The following PPP6R1 variants were observed in gnomAD, a reference collection of about 807,000 sequenced individuals.
PPP6R1 encodes serine/threonine-protein phosphatase 6 regulatory subunit 1.
A neutral mutation model predicts 104.6 loss-of-function variants in PPP6R1; 39 were observed. That is an observed-to-expected ratio of 0.37 (90% CI 0.29 to 0.49). The LOEUF is 0.49. Among genes scored for constraint, PPP6R1 ranks in the 20% least tolerant of loss-of-function variants. The pLI, the probability that PPP6R1 is intolerant of heterozygous loss-of-function variation, is 0.98. For synonymous variants in PPP6R1, 549 were observed against 479.0 expected, an observed-to-expected ratio of 1.15 and a Z score of -1.91; for missense variants, 1,181 against 1,155.8, an observed-to-expected ratio of 1.02 and a Z score of -0.32.
chr19:55,231,560 C>T (rs1207709670), intron 20 of PPP6R1, 38 bp downstream of exon 20: 1 of 1,602,012 alleles, frequency 6.2e-7, no homozygotes, highest in Non-Finnish European at 8.5e-7. Flanking sequence ...GCTCTCTCTG[C>T]CCAGGGCCGC....
At position 55,242,116 on chromosome 19, in the gene PPP6R1, G is replaced by A. The variant is rs985977646; in HGVS notation, c.845+50C>T. 8 of 1,528,886 alleles carry A rather than the reference G, an allele frequency of 5.2e-6. No homozygotes were observed. In the African/African-American group the frequency reaches 6.8e-5, roughly 13 times the overall value. 94.7% of individuals were successfully genotyped at this position (1,528,886 alleles called of 1,614,324 possible). A position where few individuals can be genotyped will look rare whatever the true frequency, so the allele number is the denominator to read the frequency against. ...CGAGACCCGCCTCTGAGGGGCCGGAGAGCCCCTGGGGATGGGCAGCATGCA... is the reference window on the plus strand; with the variant it reads ...CGAGACCCGCCTCTGAGGGGCCGGAAAGCCCCTGGGGATGGGCAGCATGCA... On this transcript the variant is annotated intron_variant, in intron 7 of 23. Transcript: ENST00000412770.
chr19:55,258,134 G>T (rs1434517623), intron 1 of PPP6R1, among the ~76,000 whole-genome samples: 1 of 152,222 alleles, frequency 6.6e-6, no homozygotes, highest in Non-Finnish European at 1.5e-5. Context: ...GCAAGAGAGC[G>T]GAGCTGAGGC....
intron 1 of PPP6R1, among the ~76,000 whole-genome samples, chr19:55,248,620 T>C (rs945701929): frequency 6.6e-6 from 1 of 152,192 alleles, no homozygotes; most frequent in Non-Finnish European, 1.5e-5. Context: ...AGTTCAGTCA[T>C]TCCCTCTGCA....
Position 55,236,594 on chromosome 19 carries a change from C to A in PPP6R1, c.1988+49G>T, listed in dbSNP as rs143757689. On this transcript the variant is annotated intron_variant, in intron 17 of 23. Transcript: ENST00000412770. ...AAATGTGTTGGGGGGACCCCTTGGCCCTGCCGTGTGGTGGAAGCTTGGAGA... is the reference window on the plus strand; with the variant it reads ...AAATGTGTTGGGGGGACCCCTTGGCACTGCCGTGTGGTGGAAGCTTGGAGA... 7.6e-5 allele frequency: 112 copies of A among 1,466,408 alleles called. No homozygotes were observed. In the African/African-American group the frequency reaches 1.5e-3, roughly 19 times the overall value. The allele number at this position is 1,466,408 out of a possible 1,614,324, so 90.8% of individuals were successfully genotyped here. A position where few individuals can be genotyped will look rare whatever the true frequency, so the allele number is the denominator to read the frequency against.
At chr19:55,236,608 G>A (rs2087400748) in intron 17 of PPP6R1, 35 bp downstream of exon 17, 3 of 1,487,702 alleles carry the variant, frequency 2.0e-6, no homozygotes, top group African/African-American at 2.8e-5. Context: ...CCGTGTGGTG[G>A]AAGCTTGGAG....
chr19:55,254,395 G>A (rs968976233), intron 1 of PPP6R1, among the ~76,000 whole-genome samples: 4 of 152,160 alleles, frequency 2.6e-5, no homozygotes, highest in African/African-American at 4.8e-5. Flanking sequence ...TTCTGACTTA[G>A]CTGTGGTGTT....
Position 55,231,654 on chromosome 19 carries a change from G to T in PPP6R1, c.2321C>A (p.Thr774Lys). 2 of 1,609,126 alleles carry T rather than the reference G, an allele frequency of 1.2e-6. No homozygotes were observed. The highest frequency in any genetic ancestry group is 1.7e-6 in the Non-Finnish European group (2 of 1,177,542). ...DALQLRSQDP[T>K]PPSAPQEATE... Reference sequence around the variant, plus strand: ...GGCTTCCTGAGGTGCTGAGGGGGGTGTGGGGTCCTGAGACCTGGTAGGCGA... The same window carrying T: ...GGCTTCCTGAGGTGCTGAGGGGGGTTTGGGGTCCTGAGACCTGGTAGGCGA... The change falls in exon 20 of 24, where the codon ACA becomes AAA. Residue 774 changes from threonine to lysine, a missense_variant. This residue lies in a region of PPP6R1 where 1,042 missense variants were observed against 955.6 expected (regional missense o/e 1.09). Coordinates refer to ENST00000412770, the MANE Select transcript of PPP6R1 (RefSeq NM_014931.4).
chr19:55,252,143 G>A (rs1319871274), intron 1 of PPP6R1, among the ~76,000 whole-genome samples: 1 of 152,142 alleles, frequency 6.6e-6, no homozygotes, highest in Non-Finnish European at 1.5e-5. Context: ...AAAGGAAAGG[G>A]TGATTAAAAA....
Position 55,241,187 on chromosome 19 carries a change from G to A in PPP6R1, c.1161+52C>T. 2.2e-6 allele frequency: 2 copies of A among 914,680 alleles called. No homozygotes were observed. The highest frequency in any genetic ancestry group is 3.2e-5 in the South Asian group (2 of 62,570). 56.7% of individuals were successfully genotyped at this position (914,680 alleles called of 1,614,324 possible). ...CCCCAGCCCCCGAACCCTCAGCCCAGTCCAGTCCCCGCCCCAGCCCCTGAA... is the reference window on the plus strand; with the variant it reads ...CCCCAGCCCCCGAACCCTCAGCCCAATCCAGTCCCCGCCCCAGCCCCTGAA... On this transcript the variant is annotated intron_variant, in intron 9 of 23. Transcript: ENST00000412770. The surrounding 1 kb of genome is among the most constrained non-coding windows in gnomAD (Gnocchi z 5.4).
chr19:55,236,969 C>T lies in PPP6R1; in HGVS notation c.1753G>A (p.Ala585Thr), dbSNP rs200656242. The T allele has an allele frequency of 2.0e-4, 320 of 1,610,496 alleles. No homozygotes were observed. The highest frequency in any genetic ancestry group is 2.5e-4 in the Non-Finnish European group (290 of 1,176,906). ...EFGEQEESVNAPFDKTANITF... is the reference protein window; with the variant it reads ...EFGEQEESVNTPFDKTANITF... ...ATGTTGGCTGTCTTGTCAAAAGGTG[C>T]GCTAGGAGAGAAGGCAAGGCATGGT... Residue 585 changes from alanine (A) to threonine (T), a missense_variant and splice_region_variant, in exon 16 of 24, where the codon GCA becomes ACA. By Grantham distance (58) the Ala-to-Thr change is moderately conservative (BLOSUM62 0). This residue lies in a region of PPP6R1 where 1,042 missense variants were observed against 955.6 expected (regional missense o/e 1.09). Transcript: ENST00000412770.
intron 17 of PPP6R1, among the ~76,000 whole-genome samples, chr19:55,233,697 AAAG>A (rs1462072731): frequency 2.1e-4 from 32 of 152,370 alleles, no homozygotes; most frequent in African/African-American, 7.7e-4. Flanking sequence ...ATAGTAACAG[AAAG>A]AAGAAAACAG....
intron 21 of PPP6R1, 44 bp downstream of exon 21, chr19:55,231,365 GA>G: frequency 6.5e-7 from 1 of 1,531,780 alleles, no homozygotes; most frequent in South Asian, 1.2e-5. Context: ...GCGAAGAGGA[GA>G]AAAGACTTCT....
At chr19:55,253,115 G>A (rs2087566220) in intron 1 of PPP6R1, among the ~76,000 whole-genome samples, 1 of 152,234 alleles carries the variant, frequency 6.6e-6, no homozygotes, top group Admixed American at 6.5e-5. Flanking sequence ...CCACAGTGGG[G>A]ACGGGATAGG....
At position 55,258,057 on chromosome 19, in the gene PPP6R1, T is replaced by TA. The variant is rs564348912; in HGVS notation, c.-7+377dup. On this transcript the variant is annotated intron_variant, in intron 1 of 23. Transcript: ENST00000412770. ...GAGATCGGGGCGAGAGGGAAGGGTG[T>TA]AAGCAGGCAAAGTCCAGGGTAACCA... 2.8e-4 allele frequency among the ~76,000 whole-genome samples: 42 copies of TA among 152,080 alleles called. No individual in the cohort carries two copies. In the East Asian group the frequency reaches 2.9e-3, roughly 11 times the overall value.
intron 1 of PPP6R1, among the ~76,000 whole-genome samples, chr19:55,248,204 G>C (rs904339781): frequency 2.0e-5 from 3 of 152,204 alleles, no homozygotes; most frequent in Non-Finnish European, 4.4e-5. Context: ...TGATGACAAT[G>C]GTCCTGGCTC....
intron 15 of PPP6R1, chr19:55,239,155 TTG>T (rs2087425365): frequency 1.9e-6 from 1 of 515,490 alleles, no homozygotes; most frequent in Non-Finnish European, 3.5e-6. Context: ...CAGAAGATGT[TTG>T]TGCCCCACCC....
intron 1 of PPP6R1, among the ~76,000 whole-genome samples, chr19:55,247,824 A>G (rs1718311461): frequency 6.6e-6 from 1 of 152,186 alleles, no homozygotes; most frequent in Non-Finnish European, 1.5e-5. Context: ...AAGGAAGAGG[A>G]AAAGTTGGAA....
Position 55,230,858 on chromosome 19 carries a change from A to G in PPP6R1, c.2486T>C (p.Val829Ala), listed in dbSNP as rs1470411351. ...GGGCTGGTGGGCCCCGGAGGCTGGG[A>G]CAGAGGTAGAGGGGTCTCTGGTTGC... ...DSATRDPSTSVPASGAHQPPQ... is the reference protein window; with the variant it reads ...DSATRDPSTSAPASGAHQPPQ... Residue 829 changes from valine to alanine, a missense_variant, in exon 22 of 24, where the codon GTC becomes GCC. Val to Ala is a moderately conservative substitution (Grantham distance 64). Coordinates refer to ENST00000412770, the MANE Select transcript of PPP6R1 (RefSeq NM_014931.4). 1.2e-6 allele frequency: 2 copies of G among 1,603,668 alleles called. No individual in the cohort carries two copies. Among genetic ancestry groups the G allele is most frequent in the East Asian group, 2.2e-5 (1 of 44,626 alleles).
chr19:55,242,019 T>C (rs2087462846), intron 7 of PPP6R1, 147 bp downstream of exon 7: 1 of 737,402 alleles, frequency 1.4e-6, no homozygotes, highest in Middle Eastern at 3.7e-4. Context: ...GGCCCCGTAC[T>C]GTCCACTGTG....
Sources: allele counts gnomAD v4.1 joint callset (sites outside exome capture counted in the v4.1 genomes callset), GRCh38; gene constraint gnomAD v4.1.1; regional missense constraint gnomAD v4.1.1; non-coding constraint Gnocchi (gnomAD v3.1); transcripts MANE v1.5; gene names NCBI Gene and HGNC (gene_info 2026-07-23, HGNC 2026-07-21).